The following BOLL variants were observed in gnomAD, a reference collection of about 807,000 sequenced individuals.
BOLL encodes protein boule-like.
Under a neutral mutation model 44.4 loss-of-function variants are expected in BOLL, and 23 were observed. The observed-to-expected ratio is 0.52, with a 90% confidence interval of 0.37 to 0.73. The LOEUF (loss-of-function observed/expected upper bound fraction) is 0.73, where lower values mean the gene tolerates loss of function less well. Ranked by LOEUF, BOLL falls within the 30% of genes least tolerant of loss-of-function variation. The pLI is 0.00. For missense variants in BOLL, 287 were observed against 338.3 expected (o/e 0.85, Z 1.19); for synonymous variants, 97 against 110.8 (o/e 0.88, Z 0.78).
chr2:197,768,599 G>C (rs1248635035), intron 6 of BOLL, among the ~76,000 whole-genome samples: 1 of 151,502 alleles, frequency 6.6e-6, no homozygotes, highest in African/African-American at 2.4e-5. Flanking sequence ...GCAGGAAATA[G>C]GTGGATTAGT....
At chr2:197,758,972 G>A in intron 7 of BOLL, 1 of 1,535,992 alleles carries the variant, frequency 6.5e-7, no homozygotes, top group Non-Finnish European at 8.7e-7. Flanking sequence ...GAAGCAAAGA[G>A]TCCATCCATC....
chr2:197,743,870 G>A (rs1425079496), intron 9 of BOLL, among the ~76,000 whole-genome samples: 1 of 151,722 alleles, frequency 6.6e-6, no homozygotes, highest in African/African-American at 2.4e-5. Context: ...GAGTGCAGTG[G>A]TGTGATCTCG....
upstream of BOLL, chr2:197,785,397 T>A: frequency 1.0e-6 from 1 of 985,202 alleles, no homozygotes; most frequent in Non-Finnish European, 1.2e-6. This position sits in a 1 kb window ranked among gnomAD's most constrained non-coding sequence, Gnocchi z 6.7. Flanking sequence ...ACGTTGCCGC[T>A]GCGCCTCGGG....
At chr2:197,731,988 A>G (rs1212621942) in intron 10 of BOLL, among the ~76,000 whole-genome samples, 1 of 151,024 alleles carries the variant, frequency 6.6e-6, no homozygotes, top group Non-Finnish European at 1.5e-5. Context: ...ATAGAGACAC[A>G]AAAAACCCTT....
At chr2:197,781,353 T>G (rs1689770493) in intron 2 of BOLL, among the ~76,000 whole-genome samples, 1 of 152,144 alleles carries the variant, frequency 6.6e-6, no homozygotes, top group Non-Finnish European at 1.5e-5. Context: ...ATAGAGTCTC[T>G]TTTGAAAATT....
chr2:197,785,345 C>T, upstream of BOLL: 1 of 985,914 alleles, frequency 1.0e-6, no homozygotes, highest in South Asian at 4.7e-5. The surrounding 1 kb of genome is among the most constrained non-coding windows in gnomAD (Gnocchi z 6.7). Flanking sequence ...GCGGCGCTCC[C>T]TGATTGGCTG....
intron 4 of BOLL, 128 bp from the exon 5 acceptor site, chr2:197,775,868 TAGTGGGAAAGAGCCGTC>T (rs1689486994): frequency 2.0e-6 from 1 of 498,664 alleles, no homozygotes; most frequent in South Asian, 4.1e-5. Context: ...CAGCAAGGAA[TAGTGGGAAAGAGCCGTC>T]TTCAGACTGA....
At chr2:197,779,914 C>G (rs1349623958) in intron 2 of BOLL, among the ~76,000 whole-genome samples, 1 of 151,874 alleles carries the variant, frequency 6.6e-6, no homozygotes, top group Non-Finnish European at 1.5e-5. Context: ...AAAGACATGC[C>G]TTAGTGCAGA....
rs939623199 is a variant in BOLL at position 197,785,038 on chromosome 2, A to C, written c.-16+18T>G. Reference sequence around the variant, plus strand: ...CATCTATTTTGCAAACGAAGACAGCAGGAACGGGCGGGCTAACCGTCGCAG... The same window carrying C: ...CATCTATTTTGCAAACGAAGACAGCCGGAACGGGCGGGCTAACCGTCGCAG... On this transcript the variant is annotated intron_variant, in intron 1 of 10. Transcript: ENST00000392296. The surrounding 1 kb of genome is among the most constrained non-coding windows in gnomAD (Gnocchi z 6.7). 6.3e-5 allele frequency: 62 copies of C among 985,912 alleles called. No homozygotes were observed. Among genetic ancestry groups the C allele is most frequent in the Non-Finnish European group, 7.3e-5 (61 of 829,960 alleles). The allele number at this position is 985,912 out of a possible 1,614,324, so 61.1% of individuals were successfully genotyped here.
rs528433709 is a variant in BOLL, at chr2:197,776,249, T to C, written c.277-509A>G. The stretch of plus-strand genomic sequence containing the variant: ...TTTAAAATGGCCCCCATGTGTATTG[T>C]TGAAGTGCTGGCTAGCACAAGAAGA... On this transcript the variant is annotated intron_variant, in intron 4 of 10. Transcript: ENST00000392296. Among the ~76,000 whole-genome samples, 4 of 152,042 alleles carry C rather than the reference T, an allele frequency of 2.6e-5. No homozygotes were observed. The East Asian group carries it at 5.8e-4, about 22-fold the overall frequency.
At chr2:197,729,904 G>A (rs1687069133) in intron 10 of BOLL, among the ~76,000 whole-genome samples, 1 of 152,138 alleles carries the variant, frequency 6.6e-6, no homozygotes. Context: ...AAAGCAGAGT[G>A]TCTCTCCTCC....
At chr2:197,781,687 A>T (rs774445006) in intron 2 of BOLL, 35 bp downstream of exon 2, 1 of 1,443,408 alleles carries the variant, frequency 6.9e-7, no homozygotes, top group South Asian at 1.7e-5. Flanking sequence ...ACTTCTAATG[A>T]AAAAATACAC....
intron 9 of BOLL, among the ~76,000 whole-genome samples, chr2:197,754,750 A>AACACAC (rs142614771): frequency 8.9e-4 from 133 of 150,080 alleles, no homozygotes; most frequent in African/African-American, 1.9e-3. Context: ...AAAACCCCAA[A>AACACAC]ACACACACAC....
intron 6 of BOLL, among the ~76,000 whole-genome samples, chr2:197,770,227 C>A (rs189278770): frequency 1.3e-5 from 2 of 152,002 alleles, no homozygotes; most frequent in African/African-American, 4.8e-5. Flanking sequence ...ACAAACCTGA[C>A]AAAAACAAGA....
intron 2 of BOLL, among the ~76,000 whole-genome samples, chr2:197,780,642 G>C (rs944508733): frequency 6.6e-6 from 1 of 151,718 alleles, no homozygotes; most frequent in Admixed American, 6.6e-5. Context: ...ACTTGTTTAA[G>C]ACTCATTGTT....
At chr2:197,746,722 A>G (rs566516371) in intron 9 of BOLL, among the ~76,000 whole-genome samples, 1 of 152,142 alleles carries the variant, frequency 6.6e-6, no homozygotes, top group Non-Finnish European at 1.5e-5. Flanking sequence ...CAACATGGTG[A>G]AACCCCGTCT....
Position 197,732,563 on chromosome 2 carries a change from A to C in BOLL, c.829-3985T>G, listed in dbSNP as rs1251648273. ...GAACATTGATGCAAAAATCCTCAAT[A>C]AAATACTGGCAAAATGAATCCAGCA... On this transcript the variant is annotated intron_variant, in intron 10 of 10. Transcript: ENST00000392296. Among the ~76,000 whole-genome samples the C allele has an allele frequency of 6.6e-5, 10 of 150,932 alleles. No individual in the cohort carries two copies. The South Asian group carries it at 1.9e-3, about 28-fold the overall frequency.
intron 10 of BOLL, among the ~76,000 whole-genome samples, chr2:197,738,949 C>G (rs1254918981): frequency 6.6e-6 from 1 of 152,012 alleles, no homozygotes; most frequent in Non-Finnish European, 1.5e-5. Context: ...AATAGAAATG[C>G]ACTGTAAATG....
chr2:197,778,016 T>TA (rs1424372304), intron 3 of BOLL, among the ~76,000 whole-genome samples: 3 of 151,946 alleles, frequency 2.0e-5, no homozygotes, highest in African/African-American at 7.2e-5. Context: ...GGAAAAGGCA[T>TA]AAAATACAGT....
Sources: gnomAD v4.1 joint callset for allele counts (sites outside exome capture counted in the v4.1 genomes callset) on GRCh38, gnomAD v4.1.1 for gene constraint, Gnocchi (gnomAD v3.1) non-coding constraint, MANE v1.5 for transcripts, NCBI Gene and HGNC (gene_info 2026-07-23, HGNC 2026-07-21) for gene names.